DMRT1: variants seen among roughly 807,000 people sequenced by gnomAD.
DMRT1 encodes doublesex and mab-3 related transcription factor 1, also known as doublesex- and mab-3-related transcription factor 1.
Under a neutral mutation model 32.3 loss-of-function variants are expected in DMRT1, and 7 were observed. That is an observed-to-expected ratio of 0.22 (90% confidence interval 0.12 to 0.41). The LOEUF (loss-of-function observed/expected upper bound fraction) is 0.41. Ranked by LOEUF, DMRT1 falls within the 10% of genes least tolerant of loss-of-function variation. The pLI, the probability that DMRT1 is intolerant of heterozygous loss-of-function variation, is 1.00. For missense variants in DMRT1, 625 were observed against 500.5 expected (o/e 1.25, Z -2.37); for synonymous variants, 278 against 206.1 (o/e 1.35, Z -2.99).
chr9:858,959 A>G (rs1686304771), intron 2 of DMRT1, among the ~76,000 whole-genome samples: 1 of 151,782 alleles, frequency 6.6e-6, no homozygotes, highest in African/African-American at 2.4e-5. Flanking sequence ...CATAATGTGC[A>G]ACTGTCACCA....
At position 896,543 on chromosome 9, in the gene DMRT1, G is replaced by C. The variant is rs145966767; in HGVS notation, c.822+2348G>C. Among the ~76,000 whole-genome samples, 40 of 152,134 alleles carry C rather than the reference G, an allele frequency of 2.6e-4. 1 individual carries two copies. In the East Asian group the frequency reaches 7.7e-3, roughly 29 times the overall value. ...TTTAAGCATTATTTAGGCCAGGTGC[G>C]GTGGCTCATGCCTGTATTCCTAGCA... On this transcript the variant is annotated intron_variant, in intron 3 of 4. Coordinates refer to ENST00000382276, the MANE Select transcript of DMRT1 (RefSeq NM_021951.3).
At chr9:937,105 C>T (rs1484143656) in intron 4 of DMRT1, among the ~76,000 whole-genome samples, 1 of 152,066 alleles carries the variant, frequency 6.6e-6, no homozygotes, top group African/African-American at 2.4e-5. Context: ...CATATTTGTC[C>T]TTTTGCATCT....
At chr9:859,667 A>T (rs1815567576) in intron 2 of DMRT1, among the ~76,000 whole-genome samples, 1 of 152,234 alleles carries the variant, frequency 6.6e-6, no homozygotes, top group South Asian at 2.1e-4. Context: ...AACCAAGTTT[A>T]TGCCAGTCTC....
At chr9:868,452 G>A (rs993571820) in intron 2 of DMRT1, among the ~76,000 whole-genome samples, 2 of 152,168 alleles carry the variant, frequency 1.3e-5, no homozygotes, top group Admixed American at 1.3e-4. Context: ...GAATAAAAGT[G>A]AAGAGCTGTG....
chr9:936,893 C>G (rs767107942), intron 4 of DMRT1, among the ~76,000 whole-genome samples: 1 of 152,062 alleles, frequency 6.6e-6, no homozygotes, highest in South Asian at 2.1e-4. Flanking sequence ...AATTCAGTAG[C>G]GTTAAATGCA....
chr9:947,708 C>T (rs1819293095), intron 4 of DMRT1, among the ~76,000 whole-genome samples: 1 of 152,138 alleles, frequency 6.6e-6, no homozygotes, highest in South Asian at 2.1e-4. Flanking sequence ...ACTGCAGCCT[C>T]CGCCTCCCGA....
At chr9:919,353 C>T (rs145330569) in intron 4 of DMRT1, among the ~76,000 whole-genome samples, 3 of 139,628 alleles carry the variant, frequency 2.1e-5, no homozygotes, top group Admixed American at 7.8e-5. Context: ...AAAATGAACC[C>T]AAGTTCAGTG....
At chr9:852,398 CT>C (rs552700304) in intron 2 of DMRT1, among the ~76,000 whole-genome samples, 1,454 of 138,352 alleles carry the variant, frequency 0.011, 22 homozygotes, top group African/African-American at 0.034. Context: ...ATAAAATGTA[CT>C]TTTTTTTTTT....
chr9:898,717 G>A (rs1817463696), intron 3 of DMRT1, among the ~76,000 whole-genome samples: 1 of 152,210 alleles, frequency 6.6e-6, no homozygotes, highest in South Asian at 2.1e-4. Context: ...CAGAATGTGA[G>A]GTTGGGTCTT....
intron 4 of DMRT1, among the ~76,000 whole-genome samples, chr9:937,239 G>A (rs1336378791): frequency 6.6e-6 from 1 of 152,158 alleles, no homozygotes; most frequent in African/African-American, 2.4e-5. Flanking sequence ...TTGTTTATCT[G>A]TTCTTCTGTT....
intron 2 of DMRT1, among the ~76,000 whole-genome samples, chr9:862,853 A>G (rs1352088698): frequency 6.6e-6 from 1 of 152,074 alleles, no homozygotes; most frequent in Non-Finnish European, 1.5e-5. Context: ...GGTCAGGTGA[A>G]TAACGGCCTC....
intron 2 of DMRT1, among the ~76,000 whole-genome samples, chr9:850,761 G>A (rs554074059): frequency 6.6e-6 from 1 of 152,314 alleles, no homozygotes; most frequent in Admixed American, 6.5e-5. Context: ...AGGCGCAGTG[G>A]CTCATGCCTG....
rs1326825458 is a variant in DMRT1 at position 876,932 on chromosome 9, AGCC to A, written c.539-16979_539-16977del. The stretch of plus-strand genomic sequence containing the variant: ...GTGAGGTCTCAGAAGAGGCTGCCTC[AGCC>A]ATGGTCCCACTTCCAGTTACATGTG... On this transcript the variant is annotated intron_variant, in intron 2 of 4. Transcript: ENST00000382276. 9.9e-5 allele frequency among the ~76,000 whole-genome samples: 15 copies of A among 152,174 alleles called. No individual in the cohort carries two copies. In the South Asian group the frequency reaches 1.0e-3, roughly 11 times the overall value.
At position 941,594 on chromosome 9, in the gene DMRT1, A is replaced by G. The variant is rs146546803; in HGVS notation, c.967+24687A>G. Among the ~76,000 whole-genome samples the G allele has an allele frequency of 1.5e-3, 234 of 152,238 alleles. 2 individuals are homozygous for G. Among genetic ancestry groups the G allele is most frequent in the African/African-American group, 5.6e-3 (232 of 41,548 alleles). On this transcript the variant is annotated intron_variant, in intron 4 of 4. Coordinates refer to ENST00000382276, the MANE Select transcript of DMRT1 (RefSeq NM_021951.3). ...ATAGAGTTACAGTTTGAGAACATAA[A>G]AAGTTCTGGAGATGGAGGGTGGTGA...
intron 2 of DMRT1, among the ~76,000 whole-genome samples, chr9:847,528 T>C (rs1838959293): frequency 6.6e-6 from 1 of 152,136 alleles, no homozygotes; most frequent in Admixed American, 6.6e-5. Flanking sequence ...GGGGAAAGTG[T>C]CTAGAAAGGC....
chr9:883,291 C>G (rs556898570), intron 2 of DMRT1, among the ~76,000 whole-genome samples: 1 of 152,046 alleles, frequency 6.6e-6, no homozygotes, highest in African/African-American at 2.4e-5. Flanking sequence ...AGACAAAAAT[C>G]TCTTCCTGGG....
At chr9:948,385 T>C (rs1246912797) in intron 4 of DMRT1, among the ~76,000 whole-genome samples, 1 of 152,162 alleles carries the variant, frequency 6.6e-6, no homozygotes, top group Non-Finnish European at 1.5e-5. Context: ...CATGAACTAC[T>C]GGGAAAAACG....
intron 2 of DMRT1, among the ~76,000 whole-genome samples, chr9:877,436 C>A: frequency 1.3e-5 from 2 of 152,314 alleles, no homozygotes; most frequent in Middle Eastern, 6.8e-3. Flanking sequence ...GTATGGCCAG[C>A]AACCCTGTTT....
intron 3 of DMRT1, among the ~76,000 whole-genome samples, chr9:905,863 A>G (rs1413466117): frequency 6.6e-6 from 1 of 152,046 alleles, no homozygotes; most frequent in Non-Finnish European, 1.5e-5. Flanking sequence ...GGAAACGGGG[A>G]AGCTGGATTT....
Sources: gnomAD v4.1 joint callset for allele counts (sites outside exome capture counted in the v4.1 genomes callset) on GRCh38, gnomAD v4.1.1 for gene constraint, MANE v1.5 for transcripts, NCBI Gene and HGNC (gene_info 2026-07-23, HGNC 2026-07-21) for gene names.